DCDC1: variants seen among roughly 807,000 people sequenced by gnomAD.
DCDC1 encodes the protein doublecortin domain containing 1.
A neutral mutation model predicts 178.3 loss-of-function variants in DCDC1; 200 were observed. The observed-to-expected ratio is 1.12, with a 90% CI of 1.00 to 1.26. DCDC1 has a LOEUF of 1.26. DCDC1 is among the 50% of genes most tolerant of loss of function. The probability of loss-of-function intolerance (pLI) is 0.00; values close to 1 mark genes in which losing one functional copy is unlikely to be tolerated. For missense variants in DCDC1, 1,983 were observed against 1,749.2 expected (o/e 1.13, Z -2.38); for synonymous variants, 690 against 604.8 (o/e 1.14, Z -2.07).
At chr11:31,284,910 A>T (rs958692147) in intron 7 of DCDC1, among the ~76,000 whole-genome samples, 16 of 152,272 alleles carry the variant, frequency 1.1e-4, no homozygotes, top group African/African-American at 3.8e-4. Flanking sequence ...AGGTGCTGGA[A>T]TTATAGGCAT....
At chr11:31,070,137 C>T (rs1292061060) in intron 18 of DCDC1, among the ~76,000 whole-genome samples, 6 of 152,176 alleles carry the variant, frequency 3.9e-5, no homozygotes, top group Non-Finnish European at 7.4e-5. Context: ...AATATCCAGT[C>T]TAATACTTTA....
At chr11:31,338,664 G>T (rs913467096) in intron 1 of DCDC1, among the ~76,000 whole-genome samples, 3 of 152,100 alleles carry the variant, frequency 2.0e-5, no homozygotes, top group Non-Finnish European at 1.5e-5. Flanking sequence ...TGTGATTTCT[G>T]GGAACTGTCA....
intron 13 of DCDC1, among the ~76,000 whole-genome samples, chr11:31,104,557 T>C (rs1215480702): frequency 6.6e-6 from 1 of 152,080 alleles, no homozygotes; most frequent in African/African-American, 2.4e-5. Context: ...AGAAAATAAC[T>C]AATATAATAC....
At chr11:31,231,605 G>C (rs1975779716) in intron 9 of DCDC1, among the ~76,000 whole-genome samples, 1 of 152,044 alleles carries the variant, frequency 6.6e-6, no homozygotes, top group South Asian at 2.1e-4. Context: ...TAAAATCACT[G>C]TACATCTCCT....
intron 29 of DCDC1, among the ~76,000 whole-genome samples, chr11:30,908,432 TA>T (rs1049942850): frequency 5.4e-5 from 8 of 147,444 alleles, no homozygotes; most frequent in African/African-American, 9.9e-5. Flanking sequence ...CAACAAACCA[TA>T]AAAAAAAAAT....
At chr11:31,172,250 C>T (rs1357258787) in intron 9 of DCDC1, among the ~76,000 whole-genome samples, 2 of 151,656 alleles carry the variant, frequency 1.3e-5, no homozygotes, top group African/African-American at 4.8e-5. Context: ...TTTTTTCTTT[C>T]TTAATATATT....
intron 11 of DCDC1, among the ~76,000 whole-genome samples, chr11:31,118,493 C>T (rs1960307427): frequency 6.6e-6 from 1 of 152,084 alleles, no homozygotes; most frequent in Admixed American, 6.6e-5. Context: ...TGCTCGATAA[C>T]GTTCATGGTG....
chr11:31,099,841 C>A (rs543500223), intron 15 of DCDC1, among the ~76,000 whole-genome samples: 1 of 151,970 alleles, frequency 6.6e-6, no homozygotes, highest in East Asian at 1.9e-4. Context: ...GCCTCAGCCT[C>A]CCAAGTAGCT....
chr11:31,261,567 C>T (rs527711627), intron 8 of DCDC1, among the ~76,000 whole-genome samples: 1 of 152,210 alleles, frequency 6.6e-6, no homozygotes, highest in East Asian at 1.9e-4. Context: ...ATAACATTTA[C>T]ACAGTATTAG....
chr11:31,149,620 TTA>T (rs1292805995), intron 9 of DCDC1, among the ~76,000 whole-genome samples: 1 of 151,922 alleles, frequency 6.6e-6, no homozygotes, highest in African/African-American at 2.4e-5. Context: ...TGCACTAACT[TTA>T]TGAGCCATAA....
At chr11:31,179,295 C>T (rs1278572886) in intron 9 of DCDC1, among the ~76,000 whole-genome samples, 1 of 152,144 alleles carries the variant, frequency 6.6e-6, no homozygotes, top group Non-Finnish European at 1.5e-5. Flanking sequence ...AAACATAGAA[C>T]TACCATATGA....
chr11:30,925,255 C>T, intron 23 of DCDC1, 54 bp downstream of exon 23: 2 of 1,453,846 alleles, frequency 1.4e-6, no homozygotes, highest in African/African-American at 2.8e-5. Context: ...GGGATTCTTT[C>T]TTGGATGGGG....
At chr11:31,035,589 G>A (rs1178847125) in intron 20 of DCDC1, among the ~76,000 whole-genome samples, 1 of 152,198 alleles carries the variant, frequency 6.6e-6, no homozygotes. Context: ...GTCTCAGAAG[G>A]CACATGCTGA....
chr11:30,942,949 T>C (rs1251075201), intron 21 of DCDC1, among the ~76,000 whole-genome samples: 1 of 152,224 alleles, frequency 6.6e-6, no homozygotes, highest in African/African-American at 2.4e-5. Context: ...GCACTTTCAT[T>C]CTGTCCTTCA....
intron 9 of DCDC1, among the ~76,000 whole-genome samples, chr11:31,239,034 CA>C (rs1462323084): frequency 1.3e-5 from 2 of 151,956 alleles, no homozygotes; most frequent in Non-Finnish European, 2.9e-5. Flanking sequence ...TTGGGAATGA[CA>C]AAATTTAAAG....
intron 27 of DCDC1, among the ~76,000 whole-genome samples, chr11:30,912,411 G>C (rs943635827): frequency 1.3e-5 from 2 of 152,062 alleles, no homozygotes; most frequent in African/African-American, 4.8e-5. Context: ...AGTCTCCCGA[G>C]TAGCTGGTAC....
chr11:31,001,304 T>C (rs1478196112), intron 20 of DCDC1, among the ~76,000 whole-genome samples: 1 of 152,186 alleles, frequency 6.6e-6, no homozygotes, highest in African/African-American at 2.4e-5. Context: ...TTTCCAAAGT[T>C]ATTTTGCCAT....
intron 20 of DCDC1, among the ~76,000 whole-genome samples, chr11:30,991,563 T>C (rs1466735379): frequency 3.3e-5 from 5 of 152,140 alleles, no homozygotes; most frequent in Non-Finnish European, 4.4e-5. Flanking sequence ...GGGCATGCCA[T>C]GCACCACCGA....
rs894590237 is a variant in DCDC1 at position 31,115,984 on chromosome 11, G to T, written c.1486-5623C>A. Among the ~76,000 whole-genome samples the T allele has an allele frequency of 2.5e-4, 28 of 111,820 alleles. 1 individual carries two copies. The highest frequency in any genetic ancestry group is 6.2e-4 in the African/African-American group (12 of 19,252). The allele number at this position is 111,820 out of a possible 152,430, so 73.4% of individuals were successfully genotyped here. On this transcript the variant is annotated intron_variant, in intron 11 of 38. Transcript: ENST00000684477. The stretch of plus-strand genomic sequence containing the variant: ...AAGAAGGATATAGCTGTGGCAGTGG[G>T]GGGGGGGGGGATGGGTATCTCAGTC...
Sources: allele counts gnomAD v4.1 joint callset (sites outside exome capture counted in the v4.1 genomes callset), GRCh38; gene constraint gnomAD v4.1.1; transcripts MANE v1.5; gene names NCBI Gene and HGNC (gene_info 2026-07-23, HGNC 2026-07-21).